Variants in PDE1C observed in about 807,000 individuals in gnomAD.
The protein encoded by PDE1C is phosphodiesterase 1C, also known as dual specificity calcium/calmodulin-dependent 3',5'-cyclic nucleotide phosphodiesterase 1C.
A neutral mutation model predicts 93.1 loss-of-function variants in PDE1C; 62 were observed. That is an observed-to-expected ratio of 0.67 (90% CI 0.54 to 0.82). The LOEUF (loss-of-function observed/expected upper bound fraction) is 0.82, where lower values mean the gene tolerates loss of function less well. Among genes scored for constraint, PDE1C ranks in the 40% least tolerant of loss-of-function variants. The pLI is 0.00. For synonymous variants in PDE1C, 325 were observed against 310.1 expected, an observed-to-expected ratio of 1.05 and a Z score of -0.50; for missense variants, 742 against 884.6, an observed-to-expected ratio of 0.84 and a Z score of 2.04.
chr7:32,155,427 T>C (rs1801509683), intron 3 of PDE1C, among the ~76,000 whole-genome samples: 1 of 152,134 alleles, frequency 6.6e-6, no homozygotes, highest in Admixed American at 6.5e-5. Flanking sequence ...ATTATTGTCA[T>C]CATACAAAAT....
At chr7:32,159,183 A>G (rs941137612) in intron 3 of PDE1C, among the ~76,000 whole-genome samples, 1 of 152,206 alleles carries the variant, frequency 6.6e-6, no homozygotes, top group Non-Finnish European at 1.5e-5. Context: ...AGTGCCCAAC[A>G]CAGGATGTAA....
chr7:31,850,476 T>C (rs1436690070), intron 8 of PDE1C, among the ~76,000 whole-genome samples, 165 bp downstream of exon 8: 4 of 152,134 alleles, frequency 2.6e-5, no homozygotes, highest in Non-Finnish European at 5.9e-5. Flanking sequence ...AAACTCTAAG[T>C]CTTGATTGAA....
At chr7:32,241,876 AG>A (rs1250680273) in intron 1 of PDE1C, among the ~76,000 whole-genome samples, 1 of 152,088 alleles carries the variant, frequency 6.6e-6, no homozygotes, top group Non-Finnish European at 1.5e-5. Context: ...ACAAATGCAG[AG>A]TATGTGAGTG....
At chr7:32,373,856 C>T (rs1178674704) in intron 1 of PDE1C, among the ~76,000 whole-genome samples, 8 of 151,962 alleles carry the variant, frequency 5.3e-5, no homozygotes, top group African/African-American at 1.7e-4. Context: ...GGCGTGGTGG[C>T]GTATGCCCGT....
At chr7:32,131,349 T>C (rs116651611) in intron 3 of PDE1C, among the ~76,000 whole-genome samples, 1 of 152,304 alleles carries the variant, frequency 6.6e-6, no homozygotes, top group African/African-American at 2.4e-5. Context: ...ATTTAATCAC[T>C]TCTATATCTC....
chr7:32,273,714 GCTATAGGTGTGT>G (rs1203394519), intron 1 of PDE1C, among the ~76,000 whole-genome samples: 4 of 152,184 alleles, frequency 2.6e-5, no homozygotes, highest in Non-Finnish European at 5.9e-5. Context: ...GGGTACCGCA[GCTATAGGTGTGT>G]CTATAGTCAG....
At chr7:31,865,107 T>C (rs929521911) in intron 6 of PDE1C, 25 bp from the exon 7 acceptor site, 1 of 1,613,386 alleles carries the variant, frequency 6.2e-7, no homozygotes, top group Non-Finnish European at 8.5e-7. Context: ...TAAGGTTAAT[T>C]AACTAGTGAC....
chr7:32,219,290 G>A lies in PDE1C; in HGVS notation c.86-9751C>T, dbSNP rs1348694858. On this transcript the variant is annotated intron_variant, in intron 1 of 18. Coordinates refer to the PDE1C transcript ENST00000396193. Reference sequence around the variant, plus strand: ...GGAGTCTGCCCAGGGAGAGGAAAGGGGTGTGGTGCATTCTAGGACCTGGGA... The same window carrying A: ...GGAGTCTGCCCAGGGAGAGGAAAGGAGTGTGGTGCATTCTAGGACCTGGGA... Among the ~76,000 whole-genome samples, 3 of 152,100 alleles carry A rather than the reference G, an allele frequency of 2.0e-5. No homozygotes were observed. In the East Asian group the frequency reaches 5.8e-4, roughly 29 times the overall value.
At chr7:31,690,390 G>GC in the PDE1C span, among the ~76,000 whole-genome samples, 2 of 152,220 alleles carry the variant, frequency 1.3e-5, no homozygotes, top group Non-Finnish European at 2.9e-5. Flanking sequence ...CTCAGGGTAA[G>GC]CTCGGGGGAC....
At chr7:31,851,310 G>A (rs1047475287) in intron 7 of PDE1C, among the ~76,000 whole-genome samples, 3 of 152,174 alleles carry the variant, frequency 2.0e-5, no homozygotes, top group Non-Finnish European at 4.4e-5. Flanking sequence ...CACAAAATGT[G>A]TTCCTTGGAC....
At chr7:32,154,798 G>A (rs1183669445) in intron 3 of PDE1C, among the ~76,000 whole-genome samples, 4 of 152,254 alleles carry the variant, frequency 2.6e-5, no homozygotes, top group African/African-American at 4.8e-5. Flanking sequence ...AGGTGTTGCT[G>A]GTGACTTGCT....
At chr7:31,981,595 C>T (rs1812383409) in intron 2 of PDE1C, among the ~76,000 whole-genome samples, 1 of 151,950 alleles carries the variant, frequency 6.6e-6, no homozygotes, top group Non-Finnish European at 1.5e-5. Flanking sequence ...ACAGTTTATC[C>T]CACTATTTCA....
intron 1 of PDE1C, among the ~76,000 whole-genome samples, chr7:32,280,818 T>C (rs1011859060): frequency 1.3e-5 from 2 of 152,104 alleles, no homozygotes; most frequent in African/African-American, 4.8e-5. Flanking sequence ...CAAGACTGTC[T>C]CCACAAAAAT....
At chr7:32,043,545 T>C (rs1161941727) in intron 2 of PDE1C, among the ~76,000 whole-genome samples, 4 of 152,140 alleles carry the variant, frequency 2.6e-5, no homozygotes, top group Admixed American at 2.0e-4. Flanking sequence ...AGCCAAATGA[T>C]GCACAACCAC....
the PDE1C span, among the ~76,000 whole-genome samples, chr7:31,655,239 T>G: frequency 1.3e-5 from 2 of 152,208 alleles, no homozygotes; most frequent in African/African-American, 4.8e-5. Context: ...GCACAGCCTT[T>G]CTCCTTGCTG....
At chr7:31,861,449 C>T (rs1360904030) in intron 7 of PDE1C, among the ~76,000 whole-genome samples, 22 of 152,068 alleles carry the variant, frequency 1.4e-4, no homozygotes, top group Non-Finnish European at 1.8e-4. Flanking sequence ...TCCCCTGGAA[C>T]TCTAGCACCC....
chr7:32,236,321 T>C (rs1384569698), intron 1 of PDE1C, among the ~76,000 whole-genome samples: 3 of 152,122 alleles, frequency 2.0e-5, no homozygotes, highest in East Asian at 3.9e-4. Flanking sequence ...TGCATCAAAA[T>C]TTAAGATGTT....
At chr7:31,633,042 A>G in the PDE1C span, among the ~76,000 whole-genome samples, 4 of 151,968 alleles carry the variant, frequency 2.6e-5, no homozygotes, top group Admixed American at 2.0e-4. Flanking sequence ...GGGCACCATC[A>G]TGCCCAGCTA....
chr7:32,337,528 T>C (rs747681164), intron 1 of PDE1C, among the ~76,000 whole-genome samples: 1 of 152,182 alleles, frequency 6.6e-6, no homozygotes, highest in Non-Finnish European at 1.5e-5. Context: ...ACTTACAAGT[T>C]GGCAGATTTT....
Sources: gnomAD v4.1 joint callset for allele counts (sites outside exome capture counted in the v4.1 genomes callset) on GRCh38, gnomAD v4.1.1 for gene constraint, MANE v1.5 for transcripts, NCBI Gene and HGNC (gene_info 2026-07-23, HGNC 2026-07-21) for gene names.